USO1: variants seen among roughly 807,000 people sequenced by gnomAD.
The protein encoded by USO1 is general vesicular transport factor p115.
Under a neutral mutation model 124.5 loss-of-function variants are expected in USO1, and 57 were observed. That is an observed-to-expected ratio of 0.46 (90% CI 0.37 to 0.57). USO1 has a LOEUF of 0.57. USO1 is among the 20% of genes least tolerant of loss of function. USO1 has a pLI of 0.00. For synonymous variants in USO1, 369 were observed against 362.8 expected (o/e 1.02, Z -0.19); for missense variants, 900 against 1,040.6 (o/e 0.86, Z 1.86).
At chr4:75,795,443 T>TA (rs975769743) in intron 13 of USO1, 8 of 681,076 alleles carry the variant, frequency 1.2e-5, no homozygotes, top group African/African-American at 9.0e-5. Flanking sequence ...GGTTTTTTTT[T>TA]AACTGCTTGT....
At chr4:75,803,416 G>A (rs939076180) in intron 17 of USO1, among the ~76,000 whole-genome samples, 1 of 151,998 alleles carries the variant, frequency 6.6e-6, no homozygotes, top group Admixed American at 6.5e-5. Context: ...GGGAGGCTGA[G>A]ACCGGTGGAT....
At chr4:75,727,031 A>G (rs1720483328) in intron 1 of USO1, among the ~76,000 whole-genome samples, 1 of 152,192 alleles carries the variant, frequency 6.6e-6, no homozygotes, top group African/African-American at 2.4e-5. Context: ...CACTTAGTAG[A>G]TGTATAATGA....
chr4:75,761,880 T>G (rs1301046485), intron 4 of USO1, among the ~76,000 whole-genome samples: 2 of 152,194 alleles, frequency 1.3e-5, no homozygotes, highest in Admixed American at 1.3e-4. Context: ...AGCATTACCT[T>G]TTGTGACATT....
At chr4:75,783,019 A>G (rs1257881268) in intron 9 of USO1, among the ~76,000 whole-genome samples, 161 bp downstream of exon 9, 1 of 152,164 alleles carries the variant, frequency 6.6e-6, no homozygotes, top group African/African-American at 2.4e-5. Context: ...CTAGCTAGAG[A>G]TCTTGCCTAC....
intron 3 of USO1, among the ~76,000 whole-genome samples, chr4:75,755,071 T>G (rs1721399203): frequency 6.6e-6 from 1 of 152,162 alleles, no homozygotes; most frequent in South Asian, 2.1e-4. Context: ...CCTCAACATG[T>G]TTCTCTCTTG....
chr4:75,762,096 G>C (rs893640440), intron 4 of USO1, among the ~76,000 whole-genome samples: 7 of 151,242 alleles, frequency 4.6e-5, no homozygotes, highest in Non-Finnish European at 1.5e-5. Context: ...TTCTAAAGAT[G>C]AGAAAATGGA....
chr4:75,731,373 C>T (rs1403180388), intron 1 of USO1, among the ~76,000 whole-genome samples: 1 of 151,988 alleles, frequency 6.6e-6, no homozygotes, highest in African/African-American at 2.4e-5. Context: ...ACCAGCCTGG[C>T]CAACATGACG....
chr4:75,810,518 A>G lies in USO1; in HGVS notation c.2562A>G (p.Leu854=). The part of the protein sequence containing the change: ...TDVEGRLSAL[L]QETKELKNEI... ...TAGAAGGAAGACTGTCAGCATTATT[A>G]CAAGAGACCAAAGAGTTAAAGGTTT... is the stretch of plus-strand genomic sequence containing the variant. The change falls in exon 22 of 24, where the codon TTA becomes TTG. Residue 854 remains leucine (L), a synonymous_variant. Coordinates refer to ENST00000514213, the MANE Select transcript of USO1 (RefSeq NM_003715.4). 1 of 1,612,416 alleles carries G rather than the reference A, an allele frequency of 6.2e-7. No individual in the cohort carries two copies. The highest frequency in any genetic ancestry group is 8.5e-7 in the Non-Finnish European group (1 of 1,179,318).
intron 1 of USO1, among the ~76,000 whole-genome samples, chr4:75,748,436 C>G (rs1254783075): frequency 3.3e-5 from 5 of 151,942 alleles, no homozygotes; most frequent in Admixed American, 6.6e-5. Context: ...CAATCCACCC[C>G]TCTCAGCCTC....
intron 3 of USO1, among the ~76,000 whole-genome samples, chr4:75,756,302 G>A (rs1721440780): frequency 6.6e-6 from 1 of 151,908 alleles, no homozygotes; most frequent in South Asian, 2.1e-4. Context: ...AGAGAATGTG[G>A]GTGGCCTTTA....
chr4:75,770,735 T>C (rs1484980515), intron 5 of USO1, 87 bp from the exon 6 acceptor site: 2 of 1,549,082 alleles, frequency 1.3e-6, no homozygotes, highest in African/African-American at 2.8e-5. Flanking sequence ...TTACTTGTAG[T>C]TTCTGGTAAA....
chr4:75,790,846 TC>T (rs1330347117), intron 12 of USO1, 49 bp downstream of exon 12: 1 of 1,483,232 alleles, frequency 6.7e-7, no homozygotes, highest in Non-Finnish European at 8.9e-7. Flanking sequence ...ATCATTGTCT[TC>T]CAAGCTTTTA....
At chr4:75,755,577 A>G (rs1485127359) in intron 3 of USO1, 1 of 493,446 alleles carries the variant, frequency 2.0e-6, no homozygotes, top group Non-Finnish European at 4.0e-6. Flanking sequence ...CTGCTTGTCC[A>G]TAACAGTTAG....
intron 1 of USO1, among the ~76,000 whole-genome samples, chr4:75,750,433 A>G (rs1051638985): frequency 0.7 from 83,206 of 118,456 alleles, 24,104 homozygotes; most frequent in East Asian, 0.84. Context: ...GCAAGACCCC[A>G]TCTAAAAAAA....
intron 3 of USO1, among the ~76,000 whole-genome samples, chr4:75,753,812 C>G (rs1374923060): frequency 1.7e-5 from 2 of 119,318 alleles, no homozygotes; most frequent in Admixed American, 1.0e-4. Flanking sequence ...GAGATTAAGT[C>G]TCGCTCTGTC....
intron 1 of USO1, chr4:75,745,338 C>T (rs866549787): frequency 7.7e-6 from 4 of 519,748 alleles, no homozygotes; most frequent in Non-Finnish European, 1.5e-5. Context: ...AAAGGCTTGT[C>T]AGGGTGTTTA....
rs1192447291 is a variant in USO1 at position 75,757,441 on chromosome 4, A to G, written c.219-56A>G. On this transcript the variant is annotated intron_variant, in intron 3 of 23. Coordinates refer to ENST00000514213, the MANE Select transcript of USO1 (RefSeq NM_003715.4). ...AATTGCTAAATAACTAAAAATGGTC[A>G]TAACAGTTTATACTCTCATCAGCAG... 3.6e-6 allele frequency: 5 copies of G among 1,371,498 alleles called. No homozygotes were observed. The East Asian group carries it at 9.7e-5, about 27-fold the overall frequency. 85.0% of individuals were successfully genotyped at this position (1,371,498 alleles called of 1,614,324 possible). A position where few individuals can be genotyped will look rare whatever the true frequency, so the allele number is the denominator to read the frequency against.
chr4:75,774,588 C>A, intron 7 of USO1, 88 bp from the exon 8 acceptor site: 1 of 1,460,922 alleles, frequency 6.8e-7, no homozygotes, highest in South Asian at 1.4e-5. Context: ...AAATCTCTGC[C>A]AGTTCTAAAA....
chr4:75,799,947 CTT>C (rs371140227), intron 14 of USO1, among the ~76,000 whole-genome samples: 15 of 139,766 alleles, frequency 1.1e-4, no homozygotes, highest in Admixed American at 1.4e-4. Flanking sequence ...TATGAAATTT[CTT>C]TTTTTTTTTT....
Sources: allele counts gnomAD v4.1 joint callset (sites outside exome capture counted in the v4.1 genomes callset), GRCh38; gene constraint gnomAD v4.1.1; transcripts MANE v1.5; gene names NCBI Gene and HGNC (gene_info 2026-07-23, HGNC 2026-07-21).